Variants in RBPMS2 observed in about 807,000 individuals in gnomAD.
RBPMS2 encodes RNA binding protein, mRNA processing factor 2.
A neutral mutation model predicts 25.7 loss-of-function variants in RBPMS2; 14 were observed. The ratio of observed to expected loss-of-function variants is 0.55; its 90% CI spans 0.36 to 0.85. The LOEUF (loss-of-function observed/expected upper bound fraction) is 0.85. RBPMS2 is among the 40% of genes least tolerant of loss of function. RBPMS2 has a pLI of 0.01. For missense variants in RBPMS2, 252 were observed against 283.4 expected (o/e 0.89, Z 0.80); for synonymous variants, 127 against 115.6 (o/e 1.10, Z -0.63).
At chr15:64,774,814 C>T (rs576182565) in intron 1 of RBPMS2, among the ~76,000 whole-genome samples, 1 of 151,338 alleles carries the variant, frequency 6.6e-6, no homozygotes, top group South Asian at 2.1e-4. Flanking sequence ...GCCCTCGGGC[C>T]GTGCTAATCC....
intron 1 of RBPMS2, among the ~76,000 whole-genome samples, chr15:64,758,739 G>A (rs868216509): frequency 3.3e-5 from 5 of 152,030 alleles, no homozygotes; most frequent in African/African-American, 1.2e-4. Context: ...CACAGGGAGT[G>A]GGAGGGTGGG....
intron 4 of RBPMS2, 115 bp from the exon 5 acceptor site, chr15:64,749,265 G>T: frequency 7.2e-7 from 1 of 1,396,178 alleles, no homozygotes; most frequent in Non-Finnish European, 1.0e-6. Context: ...TGCCCACACG[G>T]TGGCTGAGGC....
chr15:64,744,915 A>C (rs965421548), intron 6 of RBPMS2, among the ~76,000 whole-genome samples: 8 of 137,462 alleles, frequency 5.8e-5, no homozygotes, highest in Non-Finnish European at 1.1e-4. Context: ...CCTGGGTTCA[A>C]GCGATTCTCC....
At chr15:64,753,083 C>T (rs1002889658) in intron 1 of RBPMS2, among the ~76,000 whole-genome samples, 1 of 152,126 alleles carries the variant, frequency 6.6e-6, no homozygotes, top group Non-Finnish European at 1.5e-5. Context: ...GGAGACTTTC[C>T]ATAGCTTAGA....
intron 1 of RBPMS2, among the ~76,000 whole-genome samples, chr15:64,762,920 G>C (rs1393161531): frequency 6.6e-6 from 1 of 152,160 alleles, no homozygotes; most frequent in Non-Finnish European, 1.5e-5. Context: ...GAAGTCAGGG[G>C]CCAGCCAGCT....
rs1346666522 is a variant in RBPMS2 at position 64,740,303 on chromosome 15, T to C, written c.*705A>G. The C allele has an allele frequency of 6.6e-6, 1 of 152,218 alleles. No homozygotes were observed. The highest frequency in any genetic ancestry group is 1.5e-5 in the Non-Finnish European group (1 of 68,040). 9.4% of individuals were successfully genotyped at this position (152,218 alleles called of 1,614,324 possible). A position where few individuals can be genotyped will look rare whatever the true frequency, so the allele number is the denominator to read the frequency against. On this transcript the variant is annotated 3_prime_UTR_variant, in exon 8 of 8. Coordinates refer to ENST00000300069, the MANE Select transcript of RBPMS2 (RefSeq NM_194272.3). ...GGTTGGTTTCGAGGTTTGGAAAGAA[T>C]GAGGAGCAGCGGCGGGCGGGGTGCG...
intron 1 of RBPMS2, among the ~76,000 whole-genome samples, chr15:64,768,414 G>C (rs888320836): frequency 6.6e-6 from 1 of 152,010 alleles, no homozygotes; most frequent in Non-Finnish European, 1.5e-5. Context: ...CAAGACAGAC[G>C]GATCACCTAA....
rs1349056055 is a variant in RBPMS2, at chr15:64,751,570, C to A, written c.156G>T (p.Arg52=). Residue 52 remains arginine (R), a synonymous_variant, in exon 2 of 8, where the codon CGG becomes CGT. Transcript: ENST00000300069. The stretch of plus-strand genomic sequence containing the variant: ...CTGGGTCCTGACTCACCTTGAACGG[C>A]CGGAAGAGCAAGTAGAGTTCTCTGG... ...IKPRELYLLF[R]PFKGYEGSLI... 1 of 1,613,762 alleles carries A rather than the reference C, an allele frequency of 6.2e-7. No homozygotes were observed. The highest frequency in any genetic ancestry group is 8.5e-7 in the Non-Finnish European group (1 of 1,179,890).
chr15:64,762,501 C>T (rs1293748614), intron 1 of RBPMS2: 1 of 534,736 alleles, frequency 1.9e-6, no homozygotes, highest in East Asian at 5.4e-5. Context: ...ATCATCGCAC[C>T]CAGATCTGAT....
chr15:64,774,174 C>G (rs2083911378), intron 1 of RBPMS2, among the ~76,000 whole-genome samples: 1 of 152,214 alleles, frequency 6.6e-6, no homozygotes, highest in Admixed American at 6.5e-5. Flanking sequence ...ACCAGGGGCT[C>G]TGCGGTTTCT....
At chr15:64,743,959 A>G (rs918003971) in intron 6 of RBPMS2, among the ~76,000 whole-genome samples, 1 of 152,030 alleles carries the variant, frequency 6.6e-6, no homozygotes, top group Non-Finnish European at 1.5e-5. Context: ...TACAAAAATT[A>G]GCTGGGCGTG....
intron 6 of RBPMS2, among the ~76,000 whole-genome samples, chr15:64,745,938 C>T (rs1372507409): frequency 6.6e-6 from 1 of 152,166 alleles, no homozygotes; most frequent in African/African-American, 2.4e-5. Context: ...GAAGTCACCT[C>T]CTTGCCCCCA....
chr15:64,754,790 G>A (rs1253795110), intron 1 of RBPMS2, among the ~76,000 whole-genome samples: 3 of 151,926 alleles, frequency 2.0e-5, no homozygotes, highest in Non-Finnish European at 2.9e-5. Context: ...GGGAAAGGAC[G>A]ACAGGACCCG....
chr15:64,745,980 T>C (rs1348531192), intron 6 of RBPMS2, among the ~76,000 whole-genome samples: 1 of 152,204 alleles, frequency 6.6e-6, no homozygotes, highest in Non-Finnish European at 1.5e-5. Flanking sequence ...TCTATTGGTC[T>C]TTTGGGTTCA....
intron 6 of RBPMS2, among the ~76,000 whole-genome samples, chr15:64,746,059 A>G (rs1234042605): frequency 6.6e-6 from 1 of 152,198 alleles, no homozygotes; most frequent in African/African-American, 2.4e-5. Flanking sequence ...TCTCTGGGGC[A>G]GCACTGTCAG....
At chr15:64,748,722 G>A (rs1222270510) in intron 5 of RBPMS2, among the ~76,000 whole-genome samples, 155 bp from the exon 6 acceptor site, 6 of 152,100 alleles carry the variant, frequency 3.9e-5, no homozygotes, top group Non-Finnish European at 5.9e-5. Context: ...AGGAAGCCAC[G>A]TTAAATCGGC....
intron 2 of RBPMS2, among the ~76,000 whole-genome samples, chr15:64,750,930 C>T (rs1409066410): frequency 6.6e-6 from 1 of 151,818 alleles, no homozygotes; most frequent in East Asian, 1.9e-4. Context: ...CCCAGCTACT[C>T]GGGAGGCAGA....
chr15:64,768,972 G>T (rs918456635), intron 1 of RBPMS2, among the ~76,000 whole-genome samples: 2 of 151,202 alleles, frequency 1.3e-5, no homozygotes, highest in Non-Finnish European at 3.0e-5. Flanking sequence ...ATGGTGGCGG[G>T]CACCTGTAGT....
rs761452416 is a variant in RBPMS2, at chr15:64,748,445, C to T, written c.541G>A (p.Ala181Thr). The T allele has an allele frequency of 2.5e-6, 4 of 1,614,092 alleles. No homozygotes were observed. The highest frequency in any genetic ancestry group is 3.4e-6 in the Non-Finnish European group (4 of 1,179,998). Residue 181 changes from alanine (A) to threonine (T), a missense_variant, in exon 6 of 8, where the codon GCC becomes ACC. Physicochemically the swap from Ala to Thr is moderately conservative, Grantham distance 58. Coordinates refer to ENST00000300069, the MANE Select transcript of RBPMS2 (RefSeq NM_194272.3). Reference sequence around the variant, plus strand: ...TGAGCGTGGAGGGCGGCGGCAGCGGCAGTGGCAGTTGGGTAGGTGAACGCA... The same window carrying T: ...TGAGCGTGGAGGGCGGCGGCAGCGGTAGTGGCAGTTGGGTAGGTGAACGCA... ...HAAFTYPTAT[A>T]AAAALHAQVR...
Sources: allele counts gnomAD v4.1 joint callset (sites outside exome capture counted in the v4.1 genomes callset), GRCh38; gene constraint gnomAD v4.1.1; transcripts MANE v1.5; gene names NCBI Gene and HGNC (gene_info 2026-07-23, HGNC 2026-07-21).